The following TPD52L1 variants were observed in gnomAD, a reference collection of about 807,000 sequenced individuals.
TPD52L1 encodes the protein tumor protein D53.
TPD52L1 carries 18 observed loss-of-function variants against 28.7 expected under a neutral mutation model. The observed-to-expected ratio is 0.63, with a 90% CI of 0.43 to 0.93. The LOEUF (loss-of-function observed/expected upper bound fraction) is 0.93. Among genes scored for constraint, TPD52L1 ranks in the 40% least tolerant of loss-of-function variants. TPD52L1 has a pLI of 0.00. For missense variants in TPD52L1, 203 were observed against 254.8 expected (o/e 0.80, Z 1.39); for synonymous variants, 75 against 88.8 (o/e 0.84, Z 0.88).
At chr6:125,222,300 C>T (rs1428984796) in intron 2 of TPD52L1, among the ~76,000 whole-genome samples, 1 of 152,222 alleles carries the variant, frequency 6.6e-6, no homozygotes, top group Non-Finnish European at 1.5e-5. Flanking sequence ...TGCCCCAATT[C>T]TCCACAGAGA....
chr6:125,207,351 A>T (rs138153383), intron 1 of TPD52L1, among the ~76,000 whole-genome samples: 1 of 152,230 alleles, frequency 6.6e-6, no homozygotes, highest in Non-Finnish European at 1.5e-5. Context: ...CTCATCAGTT[A>T]TGTGAGTTTG....
At chr6:125,180,702 A>C (rs1490749290) in intron 1 of TPD52L1, among the ~76,000 whole-genome samples, 1 of 152,190 alleles carries the variant, frequency 6.6e-6, no homozygotes, top group Non-Finnish European at 1.5e-5. Flanking sequence ...AATGGAAAAC[A>C]TGAAGGAGAG....
chr6:125,231,915 G>A (rs1260340035), intron 3 of TPD52L1, among the ~76,000 whole-genome samples: 1 of 152,114 alleles, frequency 6.6e-6, no homozygotes, highest in Non-Finnish European at 1.5e-5. Context: ...GTTAATGTTC[G>A]TAAAGGCTGC....
intron 3 of TPD52L1, among the ~76,000 whole-genome samples, chr6:125,237,487 C>G (rs1188833645): frequency 6.6e-6 from 1 of 152,136 alleles, no homozygotes; most frequent in Non-Finnish European, 1.5e-5. Flanking sequence ...ATGCTAGTCT[C>G]CTATTTTGGG....
intron 3 of TPD52L1, chr6:125,234,235 T>C (rs1427476104): frequency 6.6e-6 from 1 of 152,248 alleles, no homozygotes; most frequent in Non-Finnish European, 1.5e-5. Flanking sequence ...TGGCAGCTAA[T>C]GTTCAGCCCT....
At chr6:125,189,553 AC>A (rs1338290546) in intron 1 of TPD52L1, among the ~76,000 whole-genome samples, 1 of 152,196 alleles carries the variant, frequency 6.6e-6, no homozygotes, top group Non-Finnish European at 1.5e-5. Flanking sequence ...CACTAGGAAA[AC>A]AAAGGCTTTT....
intron 1 of TPD52L1, among the ~76,000 whole-genome samples, chr6:125,172,116 CTTTCTTTCTT>C (rs1427310461): frequency 3.8e-5 from 2 of 53,288 alleles, no homozygotes; most frequent in Non-Finnish European, 6.8e-5. Flanking sequence ...TTCTTTCTTT[CTTTCTTTCTT>C]TCTTTCTTTC....
chr6:125,233,110 T>C (rs1796047255), intron 3 of TPD52L1, among the ~76,000 whole-genome samples: 1 of 152,212 alleles, frequency 6.6e-6, no homozygotes, highest in East Asian at 1.9e-4. Context: ...CCATGAAACA[T>C]GAAATCCCCC....
intron 1 of TPD52L1, chr6:125,209,017 C>T (rs947119452): frequency 4.6e-5 from 40 of 869,144 alleles, no homozygotes; most frequent in Non-Finnish European, 5.4e-5. Flanking sequence ...CTTATCTCTA[C>T]CATGTGCCTC....
intron 1 of TPD52L1, among the ~76,000 whole-genome samples, chr6:125,195,820 A>G (rs1048241416): frequency 1.3e-5 from 2 of 152,176 alleles, no homozygotes; most frequent in African/African-American, 4.8e-5. Flanking sequence ...TTGGTTTTGC[A>G]TGGTGACAAA....
Position 125,264,134 on chromosome 6 carries a change from G to A in TPD52L1, c.*1172G>A, listed in dbSNP as rs1196966197. On this transcript the variant is annotated 3_prime_UTR_variant, in exon 7 of 7. Transcript: ENST00000534000. The stretch of plus-strand genomic sequence containing the variant: ...TATTTATCAATCCACTCAGATTTCT[G>A]CACTAACTTTTATCTTATATATCAT... 1 of 152,052 alleles carries A rather than the reference G, an allele frequency of 6.6e-6. No homozygotes were observed. The highest frequency in any genetic ancestry group is 1.5e-5 in the Non-Finnish European group (1 of 68,006). The allele number at this position is 152,052 out of a possible 1,614,324, so 9.4% of individuals were successfully genotyped here.
chr6:125,196,963 C>T (rs1015306183), intron 1 of TPD52L1, among the ~76,000 whole-genome samples: 3 of 152,236 alleles, frequency 2.0e-5, no homozygotes, highest in South Asian at 2.1e-4. Flanking sequence ...TACTCAGAGA[C>T]ATCTGGCCGG....
chr6:125,224,076 C>G (rs968989344), intron 2 of TPD52L1, among the ~76,000 whole-genome samples: 1 of 151,596 alleles, frequency 6.6e-6, no homozygotes, highest in African/African-American at 2.4e-5. Context: ...TTCTCTCTCT[C>G]TCTCTTTAAG....
At chr6:125,250,529 T>A (rs1475925876) in intron 4 of TPD52L1, among the ~76,000 whole-genome samples, 1 of 152,228 alleles carries the variant, frequency 6.6e-6, no homozygotes, top group Admixed American at 6.5e-5. Context: ...CAGTTTTTTA[T>A]CTTTAAGTGA....
intron 2 of TPD52L1, 118 bp downstream of exon 2, chr6:125,220,311 A>G (rs1380233417): frequency 1.5e-6 from 1 of 665,980 alleles, no homozygotes; most frequent in Non-Finnish European, 2.5e-6. Flanking sequence ...TCATTTAATA[A>G]AATTTATAAA....
chr6:125,203,786 C>T (rs112882308), intron 1 of TPD52L1: 1 of 985,416 alleles, frequency 1.0e-6, no homozygotes, highest in South Asian at 4.7e-5. Flanking sequence ...CTGTAAGGAA[C>T]CTAAGTTTCT....
At chr6:125,182,784 T>C (rs1792296967) in intron 1 of TPD52L1, among the ~76,000 whole-genome samples, 1 of 152,184 alleles carries the variant, frequency 6.6e-6, no homozygotes, top group Non-Finnish European at 1.5e-5. Context: ...GTGCAGTAGG[T>C]GATGGCATCA....
chr6:125,222,986 T>C (rs985216719), intron 2 of TPD52L1, among the ~76,000 whole-genome samples: 1 of 151,926 alleles, frequency 6.6e-6, no homozygotes, highest in African/African-American at 2.4e-5. Flanking sequence ...TTTCTTTGTT[T>C]TCTGCCTGTG....
Position 125,186,701 on chromosome 6 carries a change from C to T in TPD52L1, c.19+32731C>T, listed in dbSNP as rs369703690. Among the ~76,000 whole-genome samples the T allele has an allele frequency of 9.1e-4, 139 of 152,182 alleles. 5 individuals carry two copies. The South Asian group carries it at 0.021, about 23-fold the overall frequency. ...AGCCATCTTTATCAAAACGGTGTGA[C>T]GTTGACACCATAGCTAAGCACTATG... On this transcript the variant is annotated intron_variant, in intron 1 of 6. Coordinates refer to ENST00000534000, the MANE Select transcript of TPD52L1 (RefSeq NM_003287.4).
Sources: allele counts gnomAD v4.1 joint callset (sites outside exome capture counted in the v4.1 genomes callset), GRCh38; gene constraint gnomAD v4.1.1; transcripts MANE v1.5; gene names NCBI Gene and HGNC (gene_info 2026-07-23, HGNC 2026-07-21).